ZBTB38: variants seen among roughly 807,000 people sequenced by gnomAD.
ZBTB38 encodes the protein zinc finger and BTB domain-containing protein 38.
A neutral mutation model predicts 76.8 loss-of-function variants in ZBTB38; 20 were observed. That is an observed-to-expected ratio of 0.26 (90% CI 0.18 to 0.38). The LOEUF (loss-of-function observed/expected upper bound fraction) is 0.38. Ranked by LOEUF, ZBTB38 falls within the 10% of genes least tolerant of loss-of-function variation. The pLI, the probability that ZBTB38 is intolerant of heterozygous loss-of-function variation, is 1.00. For missense variants in ZBTB38, 1,082 were observed against 1,482.3 expected, an observed-to-expected ratio of 0.73 and a Z score of 4.43; for synonymous variants, 504 against 544.2, an observed-to-expected ratio of 0.93 and a Z score of 1.03.
chr3:141,441,031 T>TA (rs2080053071), intron 5 of ZBTB38, among the ~76,000 whole-genome samples: 8 of 68,444 alleles, frequency 1.2e-4, no homozygotes, highest in South Asian at 8.9e-4. Context: ...AGACTCAATC[T>TA]CAAAAAAAAA....
intron 1 of ZBTB38, among the ~76,000 whole-genome samples, chr3:141,330,303 G>A (rs1942810307): frequency 6.6e-6 from 1 of 152,208 alleles, no homozygotes; most frequent in African/African-American, 2.4e-5. Context: ...AGGGTACCAT[G>A]GAACGTCCTC....
At chr3:141,395,145 C>T (rs1256523181) in intron 4 of ZBTB38, among the ~76,000 whole-genome samples, 1 of 152,184 alleles carries the variant, frequency 6.6e-6, no homozygotes, top group African/African-American at 2.4e-5. Flanking sequence ...AGGCAGCACG[C>T]TATCTATAAC....
chr3:141,343,155 C>T lies in ZBTB38; in HGVS notation c.-739+18699C>T, dbSNP rs143099818. On this transcript the variant is annotated intron_variant, in intron 1 of 7. Coordinates refer to the ZBTB38 transcript ENST00000509842. ...ACAGCAGCCATGTGGCTTGCTGGAT[C>T]GGAGGAAGTTTAGGGCAAGGAAGTG... Among the ~76,000 whole-genome samples the T allele has an allele frequency of 3.5e-3, 534 of 152,158 alleles. 5 individuals carry two copies. The highest frequency in any genetic ancestry group is 0.012 in the African/African-American group (496 of 41,494).
intron 1 of ZBTB38, among the ~76,000 whole-genome samples, chr3:141,337,074 T>C (rs1181719217): frequency 6.6e-6 from 1 of 152,256 alleles, no homozygotes; most frequent in African/African-American, 2.4e-5. Flanking sequence ...CTTCCAGTTC[T>C]AGTCACTCCC....
At chr3:141,338,240 C>T (rs534599397) in intron 1 of ZBTB38, among the ~76,000 whole-genome samples, 7 of 152,244 alleles carry the variant, frequency 4.6e-5, no homozygotes, top group Admixed American at 4.6e-4. Context: ...GGTGATTTCC[C>T]AGAGAACTTA....
chr3:141,382,973 T>C (rs2149195052), intron 3 of ZBTB38, among the ~76,000 whole-genome samples: 1 of 152,370 alleles, frequency 6.6e-6, no homozygotes, highest in Middle Eastern at 3.4e-3. Context: ...GTTTGAATCC[T>C]AAGTCTGCTA....
At chr3:141,362,780 AG>A (rs1384355093) in intron 1 of ZBTB38, among the ~76,000 whole-genome samples, 1 of 152,090 alleles carries the variant, frequency 6.6e-6, no homozygotes, top group East Asian at 1.9e-4. Flanking sequence ...AAGGATGCTG[AG>A]GGGAATTGAA....
At chr3:141,436,912 A>G (rs1577456444) in intron 5 of ZBTB38, among the ~76,000 whole-genome samples, 1 of 152,212 alleles carries the variant, frequency 6.6e-6, no homozygotes, top group East Asian at 1.9e-4. Context: ...GATTTGCTGC[A>G]TGGCTTACAG....
In ZBTB38 at chr3:141,413,260, G is replaced by A. The variant is rs780931445; in HGVS notation, c.-1+9229G>A. ...GGAGGTGGGGAAGACCCAGCCGGCC[G>A]AGAGCCTCAGCCACCTTCCTGCAGG... On this transcript the variant is annotated intron_variant, in intron 5 of 5. Transcript: ENST00000321464. This position sits in a 1 kb window ranked among gnomAD's most constrained non-coding sequence, Gnocchi z 4.1. Among the ~76,000 whole-genome samples, 9 of 152,268 alleles carry A rather than the reference G, an allele frequency of 5.9e-5. No individual in the cohort carries two copies. Among genetic ancestry groups the A allele is most frequent in the African/African-American group, 1.2e-4 (5 of 41,568 alleles).
intron 3 of ZBTB38, among the ~76,000 whole-genome samples, chr3:141,385,389 C>T (rs1946830115): frequency 6.6e-6 from 1 of 152,072 alleles, no homozygotes; most frequent in Non-Finnish European, 1.5e-5. Flanking sequence ...AGAATCTGTT[C>T]TATTTCCTTA....
chr3:141,424,858 A>G (rs991140933), intron 5 of ZBTB38, among the ~76,000 whole-genome samples: 1 of 152,238 alleles, frequency 6.6e-6, no homozygotes, highest in Non-Finnish European at 1.5e-5. Context: ...CTTAGCTAAT[A>G]CTTGCTCCTG....
chr3:141,352,435 T>C (rs1943544360), intron 1 of ZBTB38, among the ~76,000 whole-genome samples: 1 of 151,966 alleles, frequency 6.6e-6, no homozygotes, highest in South Asian at 2.1e-4. Flanking sequence ...CAGAGTATGT[T>C]TAGAGTGAAG....
intron 1 of ZBTB38, among the ~76,000 whole-genome samples, chr3:141,325,306 A>T (rs867726759): frequency 6.6e-5 from 10 of 152,372 alleles, no homozygotes; most frequent in Middle Eastern, 6.8e-3. Context: ...TGCAGGGGGA[A>T]TAAATTAAGA....
rs1444595696 is a variant in ZBTB38 at position 141,447,331 on chromosome 3, A to G, written c.*1355A>G. 1 of 152,574 alleles carries G rather than the reference A, an allele frequency of 6.6e-6. No homozygotes were observed. Among genetic ancestry groups the G allele is most frequent in the South Asian group, 2.1e-4 (1 of 4,820 alleles). 9.5% of individuals were successfully genotyped at this position (152,574 alleles called of 1,614,324 possible). ...ACTTATGAGACTCAGAAATATATCT[A>G]CAAAGCCAGATGCTCTGTCTTCATA... On this transcript the variant is annotated 3_prime_UTR_variant, in exon 6 of 6. Transcript: ENST00000321464.
chr3:141,409,800 C>T (rs1357280926), intron 5 of ZBTB38, among the ~76,000 whole-genome samples: 2 of 152,196 alleles, frequency 1.3e-5, no homozygotes, highest in African/African-American at 4.8e-5. Flanking sequence ...TTCCCAGAGC[C>T]TATACCAGTT....
chr3:141,436,968 A>C (rs1490020865), intron 5 of ZBTB38, among the ~76,000 whole-genome samples: 2 of 152,170 alleles, frequency 1.3e-5, no homozygotes, highest in African/African-American at 2.4e-5. Context: ...TCCTTGTTGC[A>C]CTTTGGACCT....
chr3:141,374,184 T>C (rs1423634987), intron 2 of ZBTB38, among the ~76,000 whole-genome samples: 2 of 152,210 alleles, frequency 1.3e-5, no homozygotes, highest in Non-Finnish European at 2.9e-5. Context: ...GCTTTGACTT[T>C]TGATATTGTT....
intron 1 of ZBTB38, among the ~76,000 whole-genome samples, chr3:141,338,882 G>C (rs775922838): frequency 1.3e-5 from 2 of 152,134 alleles, no homozygotes; most frequent in Admixed American, 6.5e-5. Context: ...ACATTCTAGT[G>C]GGGGACAGAA....
Position 141,448,743 on chromosome 3 carries a change from G to A in ZBTB38, c.*2767G>A, listed in dbSNP as rs976260024. The stretch of plus-strand genomic sequence containing the variant: ...AATGTTTTCATGTTATTTCTTTTGT[G>A]CAGCTATTTCATCTGTGTGAGTCAC... On this transcript the variant is annotated 3_prime_UTR_variant, in exon 6 of 6. Transcript: ENST00000321464. 1.8e-4 allele frequency: 28 copies of A among 152,082 alleles called. No homozygotes were observed. The highest frequency in any genetic ancestry group is 6.8e-4 in the African/African-American group (28 of 41,396). The allele number at this position is 152,082 out of a possible 1,614,324, so 9.4% of individuals were successfully genotyped here.
Sources: gnomAD v4.1 joint callset for allele counts (sites outside exome capture counted in the v4.1 genomes callset) on GRCh38, gnomAD v4.1.1 for gene constraint, Gnocchi (gnomAD v3.1) non-coding constraint, MANE v1.5 for transcripts, NCBI Gene and HGNC (gene_info 2026-07-23, HGNC 2026-07-21) for gene names.